SLC26A8: variants seen among roughly 807,000 people sequenced by gnomAD.
The protein encoded by SLC26A8 is solute carrier family 26 member 8.
In SLC26A8, 70 loss-of-function variants were observed where a neutral mutation model predicts 105.0. That is an observed-to-expected ratio of 0.67 (90% CI 0.55 to 0.81). The LOEUF is 0.81. Ranked by LOEUF, SLC26A8 falls within the 40% of genes least tolerant of loss-of-function variation. The pLI is 0.00. For synonymous variants in SLC26A8, 415 were observed against 438.3 expected (o/e 0.95, Z 0.66); for missense variants, 998 against 1,181.8 (o/e 0.84, Z 2.28).
intron 1 of SLC26A8, 121 bp from the exon 2 acceptor site, chr6:36,019,830 T>C: frequency 1.1e-6 from 1 of 934,688 alleles, no homozygotes; most frequent in Non-Finnish European, 1.5e-6. Flanking sequence ...CATCTTTCAG[T>C]TGTAAAAAAC....
intron 2 of SLC26A8, 45 bp downstream of exon 2, chr6:36,019,475 A>G: frequency 6.3e-7 from 1 of 1,576,330 alleles, no homozygotes; most frequent in Non-Finnish European, 8.6e-7. Flanking sequence ...GTTAGGTTTC[A>G]GTCCTGCCCG....
intron 7 of SLC26A8, among the ~76,000 whole-genome samples, chr6:35,983,654 C>T (rs192580920): frequency 7.3e-4 from 111 of 151,998 alleles, no homozygotes; most frequent in African/African-American, 2.2e-3. Flanking sequence ...TGGGTTCAAG[C>T]GATTCTCATG....
At chr6:35,993,186 T>TGGGTGG (rs71307460) in intron 5 of SLC26A8, among the ~76,000 whole-genome samples, 7 of 30,824 alleles carry the variant, frequency 2.3e-4, no homozygotes, top group South Asian at 4.3e-3. Context: ...TGATAGAGAT[T>TGGGTGG]GGAGGGGGGG....
intron 14 of SLC26A8, 32 bp from the exon 15 acceptor site, chr6:35,959,838 T>C: frequency 4.9e-5 from 64 of 1,315,960 alleles, no homozygotes; most frequent in Non-Finnish European, 6.4e-5. Context: ...TGAGGGAAAT[T>C]TCTCAGTTAT....
chr6:36,022,530 G>T (rs1394347564), intron 1 of SLC26A8, among the ~76,000 whole-genome samples: 2 of 152,116 alleles, frequency 1.3e-5, no homozygotes, highest in African/African-American at 4.8e-5. Context: ...ATCACAAAAA[G>T]TTGTTGGACA....
chr6:36,013,481 C>T (rs915136618), intron 2 of SLC26A8, among the ~76,000 whole-genome samples: 5 of 152,070 alleles, frequency 3.3e-5, no homozygotes, highest in Non-Finnish European at 5.9e-5. Flanking sequence ...GTGCCTGGCC[C>T]GGAGACATTT....
At position 35,944,126 on chromosome 6, in the gene SLC26A8, G is replaced by T; in HGVS notation, c.2687C>A (p.Thr896Asn). 6.2e-7 allele frequency: 1 copy of T among 1,614,082 alleles called. No individual in the cohort carries two copies. Among genetic ancestry groups the T allele is most frequent in the African/African-American group, 1.3e-5 (1 of 75,010 alleles). The change falls in exon 20 of 20, where the codon ACC (threonine) becomes AAC (asparagine). Residue 896 changes from threonine (T) to asparagine (N), a missense_variant. Physicochemically the swap from Thr to Asn is moderately conservative, Grantham distance 65. Coordinates refer to ENST00000490799, the MANE Select transcript of SLC26A8 (RefSeq NM_052961.4). ...MEPKAETETK[T>N]QTEMEPQPET... is the part of the protein sequence containing the mutation. The stretch of plus-strand genomic sequence containing the variant: ...AGGCTGGGGCTCCATCTCGGTCTGG[G>T]TCTTGGTCTCGGTCTCAGCCTTGGG...
chr6:35,993,156 A>ATT (rs70975122), intron 5 of SLC26A8, among the ~76,000 whole-genome samples: 2 of 87,554 alleles, frequency 2.3e-5, no homozygotes, highest in African/African-American at 8.6e-5. Context: ...CACACTGGGC[A>ATT]TTTTTTTTTT....
At chr6:35,952,569 C>T (rs1263114256) in intron 17 of SLC26A8, among the ~76,000 whole-genome samples, 1 of 152,116 alleles carries the variant, frequency 6.6e-6, no homozygotes, top group East Asian at 1.9e-4. Context: ...TCTTTCACTA[C>T]CAAGAGGAAA....
chr6:36,006,905 T>C (rs908203814), intron 3 of SLC26A8, among the ~76,000 whole-genome samples: 1 of 152,146 alleles, frequency 6.6e-6, no homozygotes, highest in Non-Finnish European at 1.5e-5. Context: ...GCCTTATCAA[T>C]AGATGCAAAA....
At chr6:35,977,832 C>G (rs891753365) in intron 8 of SLC26A8, among the ~76,000 whole-genome samples, 14 of 152,092 alleles carry the variant, frequency 9.2e-5, no homozygotes, top group African/African-American at 3.4e-4. Flanking sequence ...CGCCTGCAAT[C>G]CCAGCACTTT....
intron 10 of SLC26A8, among the ~76,000 whole-genome samples, chr6:35,974,329 A>G (rs565588369): frequency 5.3e-5 from 8 of 152,308 alleles, no homozygotes; most frequent in African/African-American, 1.7e-4. Context: ...AAACAAAAAC[A>G]AAAACAAAAA....
intron 11 of SLC26A8, among the ~76,000 whole-genome samples, chr6:35,967,109 C>T (rs566957134): frequency 3.9e-5 from 6 of 152,190 alleles, no homozygotes; most frequent in Non-Finnish European, 7.3e-5. Context: ...AATCAGAGGA[C>T]CGCTTGCGTG....
chr6:36,006,814 A>G (rs1368428630), intron 3 of SLC26A8, among the ~76,000 whole-genome samples: 1 of 152,220 alleles, frequency 6.6e-6, no homozygotes, highest in South Asian at 2.1e-4. Flanking sequence ...TCATTCTGAG[A>G]ATGCAAGGCT....
chr6:36,000,920 C>G (rs934296480), intron 3 of SLC26A8, among the ~76,000 whole-genome samples: 3 of 152,216 alleles, frequency 2.0e-5, no homozygotes, highest in Admixed American at 6.5e-5. Flanking sequence ...TTCTACTCCT[C>G]TCTCACCCTA....
intron 3 of SLC26A8, among the ~76,000 whole-genome samples, chr6:36,000,417 A>G (rs1761487244): frequency 1.3e-5 from 2 of 152,190 alleles, no homozygotes; most frequent in Admixed American, 6.5e-5. Flanking sequence ...CCTAATTCCA[A>G]CAGCTCAAAA....
chr6:36,022,212 C>G (rs55878630), intron 1 of SLC26A8, among the ~76,000 whole-genome samples: 21,880 of 152,076 alleles, frequency 0.14, 1,599 homozygotes, highest in Non-Finnish European at 0.15. Context: ...GGTGATCCTC[C>G]CGCCTCGGCC....
Position 35,987,296 on chromosome 6 carries a change from G to T in SLC26A8, c.942+4363C>A, listed in dbSNP as rs556015754. On this transcript the variant is annotated intron_variant, in intron 7 of 19. Coordinates refer to ENST00000490799, the MANE Select transcript of SLC26A8 (RefSeq NM_052961.4). ...ATTTTTTTGCCCACACAAAGTCCAT[G>T]GTGGGTTGGTATCTCTCAGGCAGCT... 5.9e-5 allele frequency among the ~76,000 whole-genome samples: 9 copies of T among 152,304 alleles called. No homozygotes were observed. In the South Asian group the frequency reaches 1.9e-3, roughly 32 times the overall value.
At chr6:35,953,137 G>T (rs1013059200) in intron 17 of SLC26A8, among the ~76,000 whole-genome samples, 1 of 151,718 alleles carries the variant, frequency 6.6e-6, no homozygotes, top group Non-Finnish European at 1.5e-5. Context: ...CAAAGGAAAT[G>T]AAGAAACCTG....
Sources: allele counts gnomAD v4.1 joint callset (sites outside exome capture counted in the v4.1 genomes callset), GRCh38; gene constraint gnomAD v4.1.1; transcripts MANE v1.5; gene names NCBI Gene and HGNC (gene_info 2026-07-23, HGNC 2026-07-21).